The following DDX52 variants were observed in gnomAD, a reference collection of about 807,000 sequenced individuals.
DDX52 encodes DExD-box helicase 52, also known as probable ATP-dependent RNA helicase DDX52.
Under a neutral mutation model 76.1 loss-of-function variants are expected in DDX52, and 59 were observed. That is an observed-to-expected ratio of 0.78 (90% confidence interval 0.63 to 0.96). The LOEUF (loss-of-function observed/expected upper bound fraction) is 0.96, where lower values mean the gene tolerates loss of function less well. Ranked by LOEUF, DDX52 falls within the 40% of genes least tolerant of loss-of-function variation. DDX52 has a pLI of 0.00. For synonymous variants in DDX52, 231 were observed against 244.1 expected, an observed-to-expected ratio of 0.95 and a Z score of 0.50; for missense variants, 707 against 703.9, an observed-to-expected ratio of 1.00 and a Z score of -0.05.
chr17:37,621,862 A>C (rs1196261666), intron 9 of DDX52, among the ~76,000 whole-genome samples: 2 of 152,206 alleles, frequency 1.3e-5, no homozygotes, highest in Non-Finnish European at 2.9e-5. Flanking sequence ...TTAAAATGAA[A>C]TAATTATCTT....
At chr17:37,642,370 A>C (rs930275049) in intron 1 of DDX52, 62 bp from the exon 2 acceptor site, 1 of 1,519,198 alleles carries the variant, frequency 6.6e-7, no homozygotes, top group Non-Finnish European at 8.9e-7. Context: ...TCATTCAAGC[A>C]AGACTGTTCA....
At chr17:37,631,823 A>C (rs193171479) in intron 4 of DDX52, 170 of 451,124 alleles carry the variant, frequency 3.8e-4, no homozygotes, top group African/African-American at 3.2e-3. Context: ...GTGCGAATAC[A>C]AAGTAGTTTA....
At chr17:37,633,593 C>T (rs2030788495) in intron 2 of DDX52, among the ~76,000 whole-genome samples, 175 bp from the exon 3 acceptor site, 1 of 150,600 alleles carries the variant, frequency 6.6e-6, no homozygotes, top group Admixed American at 6.6e-5. Flanking sequence ...GAGGTTGAGG[C>T]TGCAGACAGC....
chr17:37,621,330 T>C (rs1334827414), intron 10 of DDX52, 53 bp from the exon 11 acceptor site: 1 of 1,593,746 alleles, frequency 6.3e-7, no homozygotes, highest in East Asian at 2.2e-5. Context: ...AGGTACTTCA[T>C]AAATTTAATG....
At chr17:37,629,654 G>A (rs1255957165) in intron 5 of DDX52, among the ~76,000 whole-genome samples, 2 of 152,148 alleles carry the variant, frequency 1.3e-5, no homozygotes, top group Non-Finnish European at 2.9e-5. Flanking sequence ...CTGGGTAACA[G>A]AGTAAGAATC....
Position 37,610,305 on chromosome 17 carries a change from T to C in DDX52, c.*3991A>G. The C allele has an allele frequency of 7.0e-6, 1 of 142,710 alleles. No homozygotes were observed. Among genetic ancestry groups the C allele is most frequent in the East Asian group, 2.0e-4 (1 of 4,920 alleles). The allele number at this position is 142,710 out of a possible 1,614,324, so 8.8% of individuals were successfully genotyped here. On this transcript the variant is annotated 3_prime_UTR_variant, in exon 15 of 15. Coordinates refer to ENST00000617633, the MANE Select transcript of DDX52 (RefSeq NM_007010.5). ...CACCGGGCCAATTTTTTTTTTTTTT[T>C]TTTTTTTTTTTTTTGTAGAGATAGG...
Position 37,621,502 on chromosome 17 carries a change from G to C in DDX52, c.1246C>G (p.Leu416Val), listed in dbSNP as rs2030091429. 2 of 1,611,884 alleles carry C rather than the reference G, an allele frequency of 1.2e-6. No individual in the cohort carries two copies. The highest frequency in any genetic ancestry group is 1.3e-5 in the African/African-American group (1 of 74,938). Residue 416 changes from leucine (L) to valine (V), a missense_variant, in exon 10 of 15, where the codon CTT becomes GTT. Physicochemically the swap from Leu to Val is conservative, Grantham distance 32. Transcript: ENST00000617633. ...LVKKGFNPPV[L>V]VFVQSIERAK... Reference sequence around the variant, plus strand: ...CTTTCAATGGACTGAACAAAAACAAGAACAGGTGGATTGAAACCCTAAAAG... The same window carrying C: ...CTTTCAATGGACTGAACAAAAACAACAACAGGTGGATTGAAACCCTAAAAG...
At chr17:37,641,103 TTGACCAG>T (rs2031172635) in intron 2 of DDX52, among the ~76,000 whole-genome samples, 1 of 151,846 alleles carries the variant, frequency 6.6e-6, no homozygotes, top group Admixed American at 6.6e-5. Flanking sequence ...AAAAATATGC[TTGACCAG>T]CCAGGTGTGG....
intron 13 of DDX52, among the ~76,000 whole-genome samples, chr17:37,618,638 C>T (rs752584431): frequency 6.6e-5 from 10 of 152,104 alleles, no homozygotes; most frequent in Admixed American, 2.0e-4. Flanking sequence ...TACACCACCA[C>T]GCCCGGCTAA....
intron 6 of DDX52, 97 bp downstream of exon 6, chr17:37,628,464 T>A: frequency 9.7e-7 from 1 of 1,027,840 alleles, no homozygotes; most frequent in South Asian, 1.4e-5. Flanking sequence ...TATACATACA[T>A]GACTATACTT....
Position 37,628,440 on chromosome 17 carries a change from T to C in DDX52, c.859+121A>G, listed in dbSNP as rs2147352907. 5 of 817,512 alleles carry C rather than the reference T, an allele frequency of 6.1e-6. No homozygotes were observed. The East Asian group carries it at 1.3e-4, about 22-fold the overall frequency. The allele number at this position is 817,512 out of a possible 1,614,324, so 50.6% of individuals were successfully genotyped here. A position where few individuals can be genotyped will look rare whatever the true frequency, so the allele number is the denominator to read the frequency against. ...GAGAAGGGGATCGCTTTAGTTCTTC[T>C]AAAATTCAAATTTTATACATACATG... On this transcript the variant is annotated intron_variant, in intron 6 of 14. Coordinates refer to ENST00000617633, the MANE Select transcript of DDX52 (RefSeq NM_007010.5).
At chr17:37,637,311 A>G (rs1259916786) in intron 2 of DDX52, among the ~76,000 whole-genome samples, 3 of 151,542 alleles carry the variant, frequency 2.0e-5, no homozygotes, top group Non-Finnish European at 4.4e-5. Flanking sequence ...TTGTATTTTT[A>G]GTAGAGACGG....
At position 37,626,097 on chromosome 17, in the gene DDX52, C is replaced by T. The variant is rs369898002; in HGVS notation, c.934G>A (p.Val312Ile). The T allele has an allele frequency of 2.3e-5, 37 of 1,613,964 alleles. No homozygotes were observed. In the East Asian group the frequency reaches 8.2e-4, roughly 36 times the overall value. ...QDPPGIDLAS[V>I]EWLVVDESDK... ...GATTCGTCTACTACAAGCCACTCAA[C>T]ACTAAGAAATAACAAAACAACTTGT... Residue 312 changes from valine to isoleucine, a missense_variant and splice_region_variant, in exon 8 of 15, where the codon GTT (valine) becomes ATT (isoleucine). Coordinates refer to ENST00000617633, the MANE Select transcript of DDX52 (RefSeq NM_007010.5).
intron 1 of DDX52, 130 bp from the exon 2 acceptor site, chr17:37,642,438 G>A (rs2031249708): frequency 1.9e-6 from 2 of 1,032,364 alleles, no homozygotes; most frequent in African/African-American, 3.3e-5. Flanking sequence ...ACAGGTGTCT[G>A]GACAAATGGA....
At chr17:37,625,259 C>T (rs2030306694) in intron 8 of DDX52, among the ~76,000 whole-genome samples, 1 of 152,164 alleles carries the variant, frequency 6.6e-6, no homozygotes, top group Admixed American at 6.5e-5. Flanking sequence ...TCCCAAAGTG[C>T]TGTGATTACA....
In DDX52 at chr17:37,610,461, T is replaced by C. The variant is rs2064311402; in HGVS notation, c.*3835A>G. 6.6e-6 allele frequency: 1 copy of C among 152,082 alleles called. No individual in the cohort carries two copies. Among genetic ancestry groups the C allele is most frequent in the African/African-American group, 2.4e-5 (1 of 41,392 alleles). 9.4% of individuals were successfully genotyped at this position (152,082 alleles called of 1,614,324 possible). A position where few individuals can be genotyped will look rare whatever the true frequency, so the allele number is the denominator to read the frequency against. ...TTTTTCTTTTAATCAAACTACTGTCTGGAAGTAAAACATGAAAGTTGAGTA... is the reference window on the plus strand; with the variant it reads ...TTTTTCTTTTAATCAAACTACTGTCCGGAAGTAAAACATGAAAGTTGAGTA... On this transcript the variant is annotated 3_prime_UTR_variant, in exon 15 of 15. Transcript: ENST00000617633.
At chr17:37,626,897 G>T in intron 6 of DDX52, 37 bp from the exon 7 acceptor site, 2 of 1,558,586 alleles carry the variant, frequency 1.3e-6, no homozygotes, top group East Asian at 4.5e-5. Context: ...TGCAAAAACA[G>T]GATTTATCCC....
rs1004545132 is a variant in DDX52 at position 37,620,866 on chromosome 17, A to T, written c.1577+7T>A. 6.3e-7 allele frequency: 1 copy of T among 1,585,738 alleles called. No homozygotes were observed. On this transcript the variant is annotated splice_region_variant and intron_variant, in intron 12 of 14. Transcript: ENST00000617633. The stretch of plus-strand genomic sequence containing the variant: ...CCAATAACACTAGGTTATTTTTTCT[A>T]ATTTACCTTCTTAATAATGGCTTAT...
intron 12 of DDX52, 126 bp from the exon 13 acceptor site, chr17:37,619,965 T>C: frequency 3.6e-6 from 3 of 822,034 alleles, no homozygotes; most frequent in Non-Finnish European, 5.8e-6. Context: ...TGTTCTGATA[T>C]ATTATCAATT....
Sources: gnomAD v4.1 joint callset for allele counts (sites outside exome capture counted in the v4.1 genomes callset) on GRCh38, gnomAD v4.1.1 for gene constraint, MANE v1.5 for transcripts, NCBI Gene and HGNC (gene_info 2026-07-23, HGNC 2026-07-21) for gene names.